Variants in NF1 observed in about 807,000 individuals in gnomAD.
NF1 encodes the protein neurofibromin.
A neutral mutation model predicts 325.7 loss-of-function variants in NF1; 122 were observed. The ratio of observed to expected loss-of-function variants is 0.37; its 90% CI spans 0.32 to 0.44. NF1 has a LOEUF of 0.44. NF1 is among the 20% of genes least tolerant of loss of function. NF1 has a pLI of 1.00. For missense variants in NF1, 2,140 were observed against 3,415.4 expected, an observed-to-expected ratio of 0.63 and a Z score of 9.31; for synonymous variants, 1,091 against 1,186.0, an observed-to-expected ratio of 0.92 and a Z score of 1.65.
chr17:31,318,809 C>G (rs1446196064), intron 36 of NF1: 1 of 1,613,942 alleles, frequency 6.2e-7, no homozygotes, highest in Non-Finnish European at 8.5e-7. Context: ...CCTTTATAAT[C>G]TACTTCAGGA....
At chr17:31,166,280 T>G (rs928610910) in intron 4 of NF1, among the ~76,000 whole-genome samples, 3 of 152,236 alleles carry the variant, frequency 2.0e-5, no homozygotes, top group Admixed American at 1.3e-4. Context: ...AAAATAGTTT[T>G]CAGTTTTTTT....
intron 36 of NF1, chr17:31,304,942 A>G (rs766831814): frequency 6.2e-7 from 1 of 1,614,186 alleles, no homozygotes; most frequent in Non-Finnish European, 8.5e-7. Context: ...TTTCCAAAGT[A>G]CAATGATGAT....
At chr17:31,142,740 G>A (rs1415203377) in intron 1 of NF1, among the ~76,000 whole-genome samples, 5 of 151,936 alleles carry the variant, frequency 3.3e-5, no homozygotes, top group African/African-American at 9.7e-5. Context: ...GGTGGCAGGC[G>A]CCTGTAGTCC....
At chr17:31,206,810 AT>A (rs1366363689) in intron 12 of NF1, among the ~76,000 whole-genome samples, 2 of 152,188 alleles carry the variant, frequency 1.3e-5, no homozygotes, top group African/African-American at 4.8e-5. Flanking sequence ...AATGAATAAA[AT>A]TTAGAGTTTT....
intron 36 of NF1, among the ~76,000 whole-genome samples, chr17:31,292,194 A>G (rs1451304301): frequency 6.6e-6 from 1 of 152,208 alleles, no homozygotes; most frequent in African/African-American, 2.4e-5. Context: ...CAAGCCTTAG[A>G]GATGGATGGG....
intron 1 of NF1, among the ~76,000 whole-genome samples, chr17:31,127,251 C>T (rs1039660161): frequency 2.0e-5 from 3 of 152,034 alleles, no homozygotes; most frequent in African/African-American, 7.3e-5. Context: ...ATAATAATGC[C>T]TTTCCATATT....
At chr17:31,113,536 G>A (rs7503395) in intron 1 of NF1, among the ~76,000 whole-genome samples, 80,971 of 151,724 alleles carry the variant, frequency 0.53, 25,629 homozygotes, top group Middle Eastern at 0.76. Flanking sequence ...TGGCCAGGCC[G>A]TAAATTGTTT....
chr17:31,181,801 ATT>A lies in NF1; in HGVS notation c.730+31_730+32del, dbSNP rs71142032. On this transcript the variant is annotated intron_variant, in intron 7 of 57. Coordinates refer to ENST00000358273, the MANE Select transcript of NF1 (RefSeq NM_001042492.3). The stretch of plus-strand genomic sequence containing the variant: ...GATATGGCTGGTAAGGATACGATTG[ATT>A]TTTTTTTTTTTTTTGTCTTTTAAAT... 4.3e-3 allele frequency: 5,201 copies of A among 1,207,132 alleles called. 6 individuals are homozygous for A. Among genetic ancestry groups the A allele is most frequent in the African/African-American group, 0.021 (1,364 of 65,212 alleles). 74.8% of individuals were successfully genotyped at this position (1,207,132 alleles called of 1,614,324 possible).
intron 36 of NF1, among the ~76,000 whole-genome samples, chr17:31,286,378 C>A (rs2068227455): frequency 6.6e-6 from 1 of 152,172 alleles, no homozygotes; most frequent in Non-Finnish European, 1.5e-5. Flanking sequence ...CGTGAGCCAC[C>A]ACACCCAGCC....
At chr17:31,184,474 C>T (rs1484919599) in intron 8 of NF1, among the ~76,000 whole-genome samples, 1 of 151,008 alleles carries the variant, frequency 6.6e-6, no homozygotes, top group African/African-American at 2.4e-5. Flanking sequence ...ACGGTGAAAC[C>T]CTGTCTCTAC....
rs2151435342 is a variant in NF1, at chr17:31,233,036, T to C, written c.3531T>C (p.Ala1177=). 6.2e-7 allele frequency: 1 copy of C among 1,614,212 alleles called. No homozygotes were observed. The highest frequency in any genetic ancestry group is 8.5e-7 in the Non-Finnish European group (1 of 1,180,034). Reference sequence around the variant, plus strand: ...ACCACAAGGATCTCCAGACAAGAGCTACATTTATGGAAGTTCTGACAAAAA... The same window carrying C: ...ACCACAAGGATCTCCAGACAAGAGCCACATTTATGGAAGTTCTGACAAAAA... ...LGYHKDLQTR[A]TFMEVLTKIL... Residue 1177 remains alanine (A), a synonymous_variant, in exon 27 of 58, where the codon GCT becomes GCC. Coordinates refer to ENST00000358273, the MANE Select transcript of NF1 (RefSeq NM_001042492.3).
chr17:31,322,038 T>A (rs565675452), intron 36 of NF1, among the ~76,000 whole-genome samples: 8 of 152,158 alleles, frequency 5.3e-5, no homozygotes, highest in African/African-American at 1.9e-4. Flanking sequence ...AGAAAATATC[T>A]AGTAAACTTA....
At chr17:31,350,122 C>T (rs2151574062) in intron 49 of NF1, 61 bp from the exon 50 acceptor site, 3 of 1,588,008 alleles carry the variant, frequency 1.9e-6, no homozygotes, top group Non-Finnish European at 2.6e-6. Flanking sequence ...GAAGTTCATC[C>T]TGTTTTAAGT....
At chr17:31,187,699 C>T (rs1042044357) in intron 8 of NF1, among the ~76,000 whole-genome samples, 3 of 152,116 alleles carry the variant, frequency 2.0e-5, no homozygotes, top group African/African-American at 7.2e-5. Flanking sequence ...ATTCCCGGGT[C>T]CAGGAATCAC....
At chr17:31,290,678 A>G (rs902972961) in intron 36 of NF1, among the ~76,000 whole-genome samples, 10 of 152,082 alleles carry the variant, frequency 6.6e-5, no homozygotes, top group Admixed American at 2.0e-4. Flanking sequence ...TCATTCTGTA[A>G]TTATTATGGC....
At chr17:31,101,883 A>G (rs991559245) in intron 1 of NF1, among the ~76,000 whole-genome samples, 40 of 152,220 alleles carry the variant, frequency 2.6e-4, no homozygotes, top group Non-Finnish European at 5.7e-4. Context: ...CTTTTTATCA[A>G]ATGGAGTGCA....
intron 13 of NF1, among the ~76,000 whole-genome samples, chr17:31,218,567 CTTTTTTCT>C (rs1015906893): frequency 2.7e-5 from 4 of 149,048 alleles, no homozygotes; most frequent in South Asian, 2.1e-4. Flanking sequence ...TCTTTTTTTT[CTTTTTTCT>C]TTTTTTCTTT....
At chr17:31,122,664 A>G (rs1914537070) in intron 1 of NF1, among the ~76,000 whole-genome samples, 1 of 152,136 alleles carries the variant, frequency 6.6e-6, no homozygotes. Flanking sequence ...CTGTAATTTC[A>G]TTTGCATATT....
At position 31,356,467 on chromosome 17, in the gene NF1, G is replaced by A. The variant is rs876660737; in HGVS notation, c.7623G>A (p.Arg2541=). ...QANTKKLLGT[R]KSFDHLISDT... is the part of the protein sequence containing the mutation. ...CTTAACTTTTGTTTATAGGAACAAG[G>A]AAAAGTTTTGATCACTTGATATCAG... Residue 2541 remains arginine, a synonymous_variant, in exon 52 of 58, where the codon AGG becomes AGA. Coordinates refer to ENST00000358273, the MANE Select transcript of NF1 (RefSeq NM_001042492.3). 6.2e-6 allele frequency: 10 copies of A among 1,613,298 alleles called. No homozygotes were observed. Among genetic ancestry groups the A allele is most frequent in the Non-Finnish European group, 8.5e-6 (10 of 1,179,558 alleles).
Sources: gnomAD v4.1 joint callset for allele counts (sites outside exome capture counted in the v4.1 genomes callset) on GRCh38, gnomAD v4.1.1 for gene constraint, MANE v1.5 for transcripts, NCBI Gene and HGNC (gene_info 2026-07-23, HGNC 2026-07-21) for gene names.